The following AUH variants were observed in gnomAD, a reference collection of about 807,000 sequenced individuals.
AUH encodes the protein AU RNA binding methylglutaconyl-CoA hydratase.
In AUH, 29 loss-of-function variants were observed where a neutral mutation model predicts 42.3. The observed-to-expected ratio is 0.69, with a 90% confidence interval of 0.51 to 0.93. AUH has a LOEUF of 0.93. Ranked by LOEUF, AUH falls within the 40% of genes least tolerant of loss-of-function variation. AUH has a pLI of 0.00. For missense variants in AUH, 452 were observed against 438.1 expected, an observed-to-expected ratio of 1.03 and a Z score of -0.28; for synonymous variants, 174 against 166.4, an observed-to-expected ratio of 1.05 and a Z score of -0.35.
chr9:91,293,307 A>C (rs1827061181), intron 6 of AUH, among the ~76,000 whole-genome samples: 1 of 152,270 alleles, frequency 6.6e-6, no homozygotes, highest in African/African-American at 2.4e-5. Context: ...AAAAGCTGAG[A>C]TCAGCCAAAA....
intron 6 of AUH, among the ~76,000 whole-genome samples, chr9:91,282,108 T>C (rs1826013052): frequency 6.6e-6 from 1 of 152,144 alleles, no homozygotes; most frequent in Admixed American, 6.6e-5. Flanking sequence ...CTCCTCCTCC[T>C]CCTCTCTGCT....
chr9:91,261,385 A>G (rs1049220020), intron 6 of AUH, among the ~76,000 whole-genome samples: 4 of 152,104 alleles, frequency 2.6e-5, no homozygotes, highest in African/African-American at 9.7e-5. Flanking sequence ...CTGGGTTTCT[A>G]CTTTCTTCAG....
At chr9:91,265,849 G>A (rs1829947144) in intron 6 of AUH, among the ~76,000 whole-genome samples, 1 of 151,834 alleles carries the variant, frequency 6.6e-6, no homozygotes, top group Admixed American at 6.6e-5. Flanking sequence ...CGTCTCATCT[G>A]TAAAATCAAT....
chr9:91,315,710 C>T (rs552973307), intron 4 of AUH, among the ~76,000 whole-genome samples: 2 of 152,290 alleles, frequency 1.3e-5, no homozygotes, highest in South Asian at 4.1e-4. Flanking sequence ...TATTCATATA[C>T]ATGTAATAAA....
intron 6 of AUH, among the ~76,000 whole-genome samples, chr9:91,230,660 C>T (rs1406498297): frequency 1.3e-5 from 2 of 152,138 alleles, no homozygotes; most frequent in Non-Finnish European, 2.9e-5. Flanking sequence ...TTTTTCTGTT[C>T]AGTTTTTTCC....
At chr9:91,243,296 G>A (rs760525400) in intron 6 of AUH, among the ~76,000 whole-genome samples, 2 of 152,164 alleles carry the variant, frequency 1.3e-5, no homozygotes, top group Admixed American at 6.5e-5. Context: ...AAGCCTCAGC[G>A]AGACTTAATA....
chr9:91,310,886 G>C (rs1278364276), intron 4 of AUH, among the ~76,000 whole-genome samples: 1 of 152,162 alleles, frequency 6.6e-6, no homozygotes, highest in African/African-American at 2.4e-5. Flanking sequence ...CAAGATGAAA[G>C]TTTGATATGT....
chr9:91,255,532 C>T (rs1829364082), intron 6 of AUH, among the ~76,000 whole-genome samples: 1 of 152,104 alleles, frequency 6.6e-6, no homozygotes, highest in African/African-American at 2.4e-5. Flanking sequence ...AATAAAATAA[C>T]CAAACCTCAC....
intron 6 of AUH, among the ~76,000 whole-genome samples, chr9:91,235,254 C>T (rs953135190): frequency 6.6e-6 from 1 of 152,098 alleles, no homozygotes; most frequent in African/African-American, 2.4e-5. Flanking sequence ...ACTGCTGTCA[C>T]CCAAGTACAA....
At chr9:91,334,664 C>T (rs1830573355) in intron 3 of AUH, among the ~76,000 whole-genome samples, 1 of 152,102 alleles carries the variant, frequency 6.6e-6, no homozygotes, top group East Asian at 1.9e-4. Flanking sequence ...ATCTGGAGAA[C>T]CCTAATACAC....
intron 6 of AUH, among the ~76,000 whole-genome samples, chr9:91,242,514 T>A (rs887328653): frequency 1.4e-4 from 21 of 152,098 alleles, no homozygotes; most frequent in African/African-American, 5.1e-4. Flanking sequence ...GTGGAGAGAA[T>A]ACTATGGAAA....
intron 5 of AUH, among the ~76,000 whole-genome samples, chr9:91,297,440 T>G (rs1021148677): frequency 6.6e-6 from 1 of 152,194 alleles, no homozygotes; most frequent in Non-Finnish European, 1.5e-5. Flanking sequence ...ATCATTACTG[T>G]AGCAAATGGT....
intron 4 of AUH, among the ~76,000 whole-genome samples, chr9:91,305,196 T>G (rs529787724): frequency 1.4e-4 from 21 of 152,210 alleles, no homozygotes; most frequent in Non-Finnish European, 2.5e-4. Flanking sequence ...CATATATACC[T>G]ATGTCCAGGA....
intron 6 of AUH, among the ~76,000 whole-genome samples, chr9:91,241,444 T>C (rs148513670): frequency 2.6e-5 from 4 of 152,288 alleles, no homozygotes; most frequent in African/African-American, 4.8e-5. Flanking sequence ...TATTAGTATC[T>C]ACAAATGTAT....
chr9:91,313,708 T>A (rs1828898750), intron 4 of AUH, among the ~76,000 whole-genome samples: 1 of 90,602 alleles, frequency 1.1e-5, no homozygotes. Context: ...CGAGACTCCG[T>A]CTCAAAAAAA....
rs564626859 is a variant in AUH, at chr9:91,227,777, T to A, written c.656-6785A>T. Among the ~76,000 whole-genome samples, 747 of 152,356 alleles carry A rather than the reference T, an allele frequency of 4.9e-3. 9 individuals carry two copies. The highest frequency in any genetic ancestry group is 0.016 in the African/African-American group (684 of 41,588). On this transcript the variant is annotated intron_variant, in intron 6 of 9. Transcript: ENST00000375731. The stretch of plus-strand genomic sequence containing the variant: ...TTTAGCATGAAGCATTGTTGAATTT[T>A]GTCAAAGGCCTTTTCTGCATCTATT...
At chr9:91,294,163 A>C (rs1271393937) in intron 6 of AUH, among the ~76,000 whole-genome samples, 1 of 152,260 alleles carries the variant, frequency 6.6e-6, no homozygotes, top group Non-Finnish European at 1.5e-5. Flanking sequence ...TGACAGAGAC[A>C]GACAAGGAGA....
chr9:91,312,070 G>C (rs533573171), intron 4 of AUH, among the ~76,000 whole-genome samples: 1 of 151,202 alleles, frequency 6.6e-6, no homozygotes, highest in South Asian at 2.1e-4. Context: ...TACTGTTTAA[G>C]AACAGACTTT....
At chr9:91,233,728 G>A (rs1189643665) in intron 6 of AUH, among the ~76,000 whole-genome samples, 5 of 152,296 alleles carry the variant, frequency 3.3e-5, no homozygotes, top group East Asian at 1.9e-4. Context: ...AACAAGTAAC[G>A]CCAGCCTGAG....
Sources: gnomAD v4.1 joint callset for allele counts (sites outside exome capture counted in the v4.1 genomes callset) on GRCh38, gnomAD v4.1.1 for gene constraint, MANE v1.5 for transcripts, NCBI Gene and HGNC (gene_info 2026-07-23, HGNC 2026-07-21) for gene names.